Variants in CERS6 observed in about 807,000 individuals in gnomAD.
CERS6 encodes LAG1 homolog, ceramide synthase 6.
Under a neutral mutation model 56.8 loss-of-function variants are expected in CERS6, and 26 were observed. That is an observed-to-expected ratio of 0.46 (90% CI 0.34 to 0.63). CERS6 has a LOEUF of 0.63. CERS6 is among the 30% of genes least tolerant of loss of function. The pLI, the probability that CERS6 is intolerant of heterozygous loss-of-function variation, is 0.01. For missense variants in CERS6, 415 were observed against 467.5 expected (o/e 0.89, Z 1.04); for synonymous variants, 164 against 173.3 (o/e 0.95, Z 0.42).
chr2:168,480,515 A>G (rs548025201), intron 1 of CERS6, among the ~76,000 whole-genome samples: 1 of 152,364 alleles, frequency 6.6e-6, no homozygotes, highest in Non-Finnish European at 1.5e-5. Context: ...CCAAGATCAT[A>G]CAGTGGTGTG....
At chr2:168,687,532 A>C (rs1686383174) in intron 4 of CERS6, among the ~76,000 whole-genome samples, 1 of 152,116 alleles carries the variant, frequency 6.6e-6, no homozygotes, top group Non-Finnish European at 1.5e-5. Flanking sequence ...TCTTTTATAA[A>C]TCTTTAATGG....
intron 4 of CERS6, among the ~76,000 whole-genome samples, chr2:168,666,357 A>T (rs1209479791): frequency 2.0e-5 from 3 of 152,012 alleles, no homozygotes; most frequent in Non-Finnish European, 4.4e-5. Flanking sequence ...TCATCTTCTT[A>T]CTTTCTCCAA....
intron 4 of CERS6, among the ~76,000 whole-genome samples, chr2:168,651,476 A>G (rs901896714): frequency 6.6e-6 from 1 of 152,230 alleles, no homozygotes; most frequent in African/African-American, 2.4e-5. Context: ...TGCTGTAAAG[A>G]ACTACCTGAG....
intron 3 of CERS6, among the ~76,000 whole-genome samples, chr2:168,622,666 C>T (rs1684501136): frequency 6.6e-6 from 1 of 152,212 alleles, no homozygotes; most frequent in African/African-American, 2.4e-5. Flanking sequence ...CCTCCAACCT[C>T]AAAGACTTTG....
chr2:168,518,115 T>C (rs2105354558), intron 1 of CERS6, among the ~76,000 whole-genome samples: 1 of 152,360 alleles, frequency 6.6e-6, no homozygotes, highest in East Asian at 1.9e-4. Flanking sequence ...TTTCACTTAT[T>C]TTTCATTGGG....
intron 6 of CERS6, among the ~76,000 whole-genome samples, chr2:168,713,043 C>A (rs1341274148): frequency 6.6e-6 from 1 of 151,998 alleles, no homozygotes; most frequent in Admixed American, 6.6e-5. Context: ...TGTCTGTTCT[C>A]CCCTACTAGA....
intron 8 of CERS6, among the ~76,000 whole-genome samples, chr2:168,727,910 C>T (rs1020481635): frequency 7.9e-5 from 12 of 152,226 alleles, no homozygotes; most frequent in African/African-American, 2.9e-4. Context: ...AGTCTTACAT[C>T]TATCAGCATT....
chr2:168,612,093 T>C (rs945022268), intron 3 of CERS6, among the ~76,000 whole-genome samples: 4 of 152,244 alleles, frequency 2.6e-5, no homozygotes, highest in African/African-American at 9.6e-5. Flanking sequence ...TTCTACATAC[T>C]TTACAAGTAT....
At chr2:168,702,850 C>T (rs960880896) in intron 6 of CERS6, among the ~76,000 whole-genome samples, 2 of 152,142 alleles carry the variant, frequency 1.3e-5, no homozygotes, top group Admixed American at 6.5e-5. Context: ...GTACTTCTTC[C>T]TTCTCCAGCT....
chr2:168,549,174 TG>T (rs1470272032), intron 2 of CERS6, among the ~76,000 whole-genome samples: 7 of 152,050 alleles, frequency 4.6e-5, no homozygotes, highest in South Asian at 2.1e-4. Context: ...TAAAATGAGG[TG>T]TTTTTTTTTT....
chr2:168,580,748 T>C (rs1333619016), intron 3 of CERS6, among the ~76,000 whole-genome samples: 1 of 152,202 alleles, frequency 6.6e-6, no homozygotes, highest in Non-Finnish European at 1.5e-5. Context: ...TTCCTCATTC[T>C]TGAAGATTTT....
intron 4 of CERS6, 127 bp downstream of exon 4, chr2:168,631,169 G>T (rs1448051905): frequency 1.6e-5 from 8 of 498,272 alleles, no homozygotes; most frequent in Non-Finnish European, 2.9e-5. Flanking sequence ...AGAATTATTT[G>T]TGCATTTTCA....
intron 1 of CERS6, among the ~76,000 whole-genome samples, chr2:168,530,499 GTTC>G (rs1233131009): frequency 2.6e-5 from 4 of 152,134 alleles, no homozygotes; most frequent in Admixed American, 6.5e-5. Context: ...CCATGCAATT[GTTC>G]TTCTACAATT....
At chr2:168,681,686 A>ATTG (rs1295846578) in intron 4 of CERS6, among the ~76,000 whole-genome samples, 1 of 152,120 alleles carries the variant, frequency 6.6e-6, no homozygotes, top group Non-Finnish European at 1.5e-5. Flanking sequence ...TACACAATAA[A>ATTG]TTGTTGTTAG....
At chr2:168,760,753 TA>T (rs1684551508) in intron 8 of CERS6, among the ~76,000 whole-genome samples, 2 of 151,826 alleles carry the variant, frequency 1.3e-5, no homozygotes, top group Non-Finnish European at 2.9e-5. Context: ...TTTATTTATT[TA>T]TTTATTTATT....
chr2:168,513,573 A>G (rs973418788), intron 1 of CERS6, among the ~76,000 whole-genome samples: 3 of 152,124 alleles, frequency 2.0e-5, no homozygotes, highest in Non-Finnish European at 4.4e-5. Context: ...TTGGGGAGGA[A>G]GACCACAGAG....
chr2:168,533,700 A>G (rs973069343), intron 1 of CERS6, among the ~76,000 whole-genome samples: 1 of 151,820 alleles, frequency 6.6e-6, no homozygotes, highest in Non-Finnish European at 1.5e-5. Flanking sequence ...CTCAGGGTTG[A>G]TCTTCTCGTG....
chr2:168,710,318 A>G (rs1687059182), intron 6 of CERS6, among the ~76,000 whole-genome samples: 1 of 152,218 alleles, frequency 6.6e-6, no homozygotes, highest in African/African-American at 2.4e-5. Flanking sequence ...TAAATAGAGA[A>G]AAACCCTTGT....
At chr2:168,768,714 T>G (rs1420592916) in intron 9 of CERS6, among the ~76,000 whole-genome samples, 4 of 151,916 alleles carry the variant, frequency 2.6e-5, no homozygotes, top group Non-Finnish European at 5.9e-5. Context: ...CAGACCAGCC[T>G]GGCCAACATA....
Sources: gnomAD v4.1 joint callset for allele counts (sites outside exome capture counted in the v4.1 genomes callset) on GRCh38, gnomAD v4.1.1 for gene constraint, MANE v1.5 for transcripts, NCBI Gene and HGNC (gene_info 2026-07-23, HGNC 2026-07-21) for gene names.